FARS2: variants seen among roughly 807,000 people sequenced by gnomAD.
FARS2 encodes phenylalanyl-tRNA synthetase 2, mitochondrial, also known as phenylalanine--tRNA ligase, mitochondrial.
FARS2 carries 40 observed loss-of-function variants against 46.4 expected under a neutral mutation model. The ratio of observed to expected loss-of-function variants is 0.86; its 90% CI spans 0.67 to 1.12. The LOEUF (loss-of-function observed/expected upper bound fraction) is 1.12, where lower values mean the gene tolerates loss of function less well. Ranked by LOEUF, FARS2 falls within the 50% of genes most tolerant of loss-of-function variation. The pLI is 0.00. For missense variants in FARS2, 513 were observed against 567.9 expected, an observed-to-expected ratio of 0.90 and a Z score of 0.98; for synonymous variants, 234 against 214.9, an observed-to-expected ratio of 1.09 and a Z score of -0.78.
chr6:5,338,293 T>C (rs1195806885), intron 1 of FARS2, among the ~76,000 whole-genome samples: 1 of 152,244 alleles, frequency 6.6e-6, no homozygotes, highest in African/African-American at 2.4e-5. Context: ...CGATGTGCTG[T>C]TTTTCATTTC....
intron 6 of FARS2, among the ~76,000 whole-genome samples, chr6:5,733,334 G>C (rs182424864): frequency 6.6e-6 from 1 of 152,300 alleles, no homozygotes; most frequent in Admixed American, 6.5e-5. Flanking sequence ...TTCAACAGAG[G>C]AAATTGGAGT....
intron 4 of FARS2, among the ~76,000 whole-genome samples, chr6:5,511,661 T>C (rs961268167): frequency 6.6e-6 from 1 of 152,226 alleles, no homozygotes; most frequent in Non-Finnish European, 1.5e-5. Context: ...AGGAGGGCTA[T>C]TGGAGGAAAA....
chr6:5,503,472 CT>C (rs901311405), intron 4 of FARS2, among the ~76,000 whole-genome samples: 3 of 150,922 alleles, frequency 2.0e-5, no homozygotes, highest in African/African-American at 4.9e-5. Context: ...ATTTGCCTGG[CT>C]GTAGTAATCA....
chr6:5,367,084 T>C lies in FARS2; in HGVS notation c.-21-1466T>C, dbSNP rs1268943560. On this transcript the variant is annotated intron_variant, in intron 1 of 6. Coordinates refer to ENST00000274680, the MANE Select transcript of FARS2 (RefSeq NM_006567.5). ...TCAGACAAAGGTGCTGTGCACAGCT[T>C]CTAAGAAGCAATCACACACAAGCAC... 2.6e-5 allele frequency among the ~76,000 whole-genome samples: 4 copies of C among 152,234 alleles called. No individual in the cohort carries two copies. In the East Asian group the frequency reaches 7.7e-4, roughly 29 times the overall value.
chr6:5,465,150 A>G (rs766885051), intron 4 of FARS2, among the ~76,000 whole-genome samples: 8 of 152,214 alleles, frequency 5.3e-5, no homozygotes, highest in Non-Finnish European at 1.0e-4. Flanking sequence ...GTCCATTTTA[A>G]TCTCAAGTAC....
At chr6:5,341,192 T>TATATATATATATAG (rs1771540550) in intron 1 of FARS2, among the ~76,000 whole-genome samples, 1 of 8,374 alleles carries the variant, frequency 1.2e-4, no homozygotes, top group Non-Finnish European at 2.2e-4. Flanking sequence ...TGGGGAGATA[T>TATATATATATATAG]ATATATATAT....
chr6:5,384,758 A>G (rs1283108543), intron 2 of FARS2, among the ~76,000 whole-genome samples: 1 of 152,138 alleles, frequency 6.6e-6, no homozygotes, highest in African/African-American at 2.4e-5. Flanking sequence ...AATCTAGTAT[A>G]GCACCCTGAC....
intron 1 of FARS2, among the ~76,000 whole-genome samples, chr6:5,264,633 C>G (rs1036277568): frequency 1.9e-4 from 29 of 152,054 alleles, no homozygotes; most frequent in African/African-American, 6.0e-4. Context: ...TCTTGAACTC[C>G]TGACCTCAGG....
At chr6:5,408,232 C>T (rs775238145) in intron 3 of FARS2, among the ~76,000 whole-genome samples, 2 of 152,172 alleles carry the variant, frequency 1.3e-5, no homozygotes, top group Non-Finnish European at 2.9e-5. Context: ...ACAGGCAAGG[C>T]GCCTCCTCCT....
At chr6:5,687,223 T>C (rs975651740) in intron 6 of FARS2, among the ~76,000 whole-genome samples, 5 of 152,240 alleles carry the variant, frequency 3.3e-5, no homozygotes. Flanking sequence ...TTTGTCAATT[T>C]TGGCTTTTGT....
chr6:5,649,595 A>G (rs1777245059), intron 6 of FARS2, among the ~76,000 whole-genome samples: 1 of 152,252 alleles, frequency 6.6e-6, no homozygotes, highest in Admixed American at 6.5e-5. Flanking sequence ...CTTAATGCTT[A>G]ATATACGATA....
intron 6 of FARS2, among the ~76,000 whole-genome samples, chr6:5,771,048 C>G (rs1763015435): frequency 6.6e-6 from 1 of 152,210 alleles, no homozygotes; most frequent in African/African-American, 2.4e-5. Flanking sequence ...GCTTCCTTCC[C>G]AGGGGACTTT....
chr6:5,417,808 T>G (rs1011803245), intron 3 of FARS2, among the ~76,000 whole-genome samples: 1 of 152,234 alleles, frequency 6.6e-6, no homozygotes. Context: ...CAATTATTTC[T>G]TCAGATACTT....
intron 6 of FARS2, among the ~76,000 whole-genome samples, chr6:5,740,718 G>A (rs1750230279): frequency 6.6e-6 from 1 of 152,136 alleles, no homozygotes; most frequent in Admixed American, 6.5e-5. Context: ...CAGTAAGCAA[G>A]CACACATTAT....
intron 6 of FARS2, among the ~76,000 whole-genome samples, chr6:5,615,404 GTTAC>G (rs1417193573): frequency 6.6e-6 from 1 of 152,070 alleles, no homozygotes; most frequent in Non-Finnish European, 1.5e-5. Context: ...TCCATCTGTA[GTTAC>G]TTTGCTTTTC....
chr6:5,466,919 T>C (rs1765546705), intron 4 of FARS2: 2 of 985,328 alleles, frequency 2.0e-6, no homozygotes, highest in Non-Finnish European at 2.4e-6. Context: ...GGCCTTATGC[T>C]GCAGTGACTT....
At chr6:5,352,646 T>TC (rs1397495046) in intron 1 of FARS2, among the ~76,000 whole-genome samples, 2 of 151,980 alleles carry the variant, frequency 1.3e-5, no homozygotes, top group African/African-American at 4.8e-5. Context: ...AACTCATCTC[T>TC]CAGTTTCCGC....
intron 5 of FARS2, among the ~76,000 whole-genome samples, chr6:5,589,907 A>G (rs1322748958): frequency 9.9e-5 from 15 of 152,214 alleles, no homozygotes; most frequent in African/African-American, 3.4e-4. Context: ...CCTAGTGATT[A>G]GAAGCATAAA....
At chr6:5,305,549 T>C (rs566212474) in intron 1 of FARS2, among the ~76,000 whole-genome samples, 66 of 152,308 alleles carry the variant, frequency 4.3e-4, no homozygotes, top group African/African-American at 1.5e-3. Flanking sequence ...TTGACTCATT[T>C]ATATAACCAC....
Sources: gnomAD v4.1 joint callset for allele counts (sites outside exome capture counted in the v4.1 genomes callset) on GRCh38, gnomAD v4.1.1 for gene constraint, MANE v1.5 for transcripts, NCBI Gene and HGNC (gene_info 2026-07-23, HGNC 2026-07-21) for gene names.